Variants in NRG3 observed in about 807,000 individuals in gnomAD.
NRG3 encodes pro-neuregulin-3, membrane-bound isoform.
A neutral mutation model predicts 66.9 loss-of-function variants in NRG3; 31 were observed. The observed-to-expected ratio is 0.46, with a 90% CI of 0.35 to 0.63. The LOEUF is 0.63. Among genes scored for constraint, NRG3 ranks in the 20% least tolerant of loss-of-function variants. NRG3 has a pLI of 0.00. For synonymous variants in NRG3, 393 were observed against 359.4 expected, an observed-to-expected ratio of 1.09 and a Z score of -1.06; for missense variants, 910 against 878.9, an observed-to-expected ratio of 1.04 and a Z score of -0.45.
At chr10:82,093,738 A>G (rs1281685862) in intron 1 of NRG3, among the ~76,000 whole-genome samples, 1 of 152,174 alleles carries the variant, frequency 6.6e-6, no homozygotes, top group African/African-American at 2.4e-5. Flanking sequence ...TTATATTTCA[A>G]TAGAACATTT....
intron 1 of NRG3, among the ~76,000 whole-genome samples, chr10:82,328,692 A>G (rs927232818): frequency 6.6e-6 from 1 of 152,142 alleles, no homozygotes; most frequent in African/African-American, 2.4e-5. Context: ...GGCCATTTCC[A>G]GTCATCTCTT....
chr10:82,248,875 C>T (rs779587796), intron 1 of NRG3, among the ~76,000 whole-genome samples: 1 of 152,086 alleles, frequency 6.6e-6, no homozygotes, highest in Non-Finnish European at 1.5e-5. Context: ...CCTCAATAGT[C>T]CTGGTTTGTG....
At chr10:82,000,092 A>G (rs2061103034) in intron 1 of NRG3, among the ~76,000 whole-genome samples, 1 of 152,238 alleles carries the variant, frequency 6.6e-6, no homozygotes, top group African/African-American at 2.4e-5. Context: ...GATATATTTT[A>G]GTTCCTAATG....
Position 82,559,519 on chromosome 10 carries a change from G to C in NRG3, c.954-179058G>C, listed in dbSNP as rs545249899. ...TCCAGTCATCAGGTGCTAGTAGCCT[G>C]TATGAAGAGTGGTCTTAGTATGAAC... On this transcript the variant is annotated intron_variant, in intron 2 of 8. Coordinates refer to ENST00000372141, the MANE Select transcript of NRG3 (RefSeq NM_001010848.4). Among the ~76,000 whole-genome samples the C allele has an allele frequency of 9.8e-5, 15 of 152,310 alleles. No homozygotes were observed. In the South Asian group the frequency reaches 1.0e-3, roughly 11 times the overall value.
At chr10:82,308,373 G>A (rs2080857575) in intron 1 of NRG3, among the ~76,000 whole-genome samples, 1 of 152,104 alleles carries the variant, frequency 6.6e-6, no homozygotes, top group African/African-American at 2.4e-5. Context: ...ACAGGCATGA[G>A]CCACCATGCC....
rs531124160 is a variant in NRG3 at position 81,886,082 on chromosome 10, G to C, written c.823+9919G>C. ...CGCGGGGCTTAATACATAGGTGATGGGTTGATAGGTGCAGCAAACCACCAT... is the reference window on the plus strand; with the variant it reads ...CGCGGGGCTTAATACATAGGTGATGCGTTGATAGGTGCAGCAAACCACCAT... On this transcript the variant is annotated intron_variant, in intron 1 of 8. Coordinates refer to ENST00000372141, the MANE Select transcript of NRG3 (RefSeq NM_001010848.4). 3.9e-4 allele frequency among the ~76,000 whole-genome samples: 60 copies of C among 152,156 alleles called. 1 individual carries two copies. Among genetic ancestry groups the C allele is most frequent in the African/African-American group, 1.4e-3 (59 of 41,516 alleles).
At chr10:82,358,387 T>C (rs2083911414) in intron 1 of NRG3, among the ~76,000 whole-genome samples, 1 of 152,196 alleles carries the variant, frequency 6.6e-6, no homozygotes. Context: ...GGGAAGGGAA[T>C]GTTGTTTCAA....
intron 1 of NRG3, among the ~76,000 whole-genome samples, chr10:82,353,599 A>C (rs2083572159): frequency 6.6e-6 from 1 of 152,220 alleles, no homozygotes; most frequent in East Asian, 1.9e-4. Flanking sequence ...GTATAAAAAA[A>C]ATAAGAAAAC....
chr10:82,688,552 A>C (rs1305172041), intron 2 of NRG3, among the ~76,000 whole-genome samples: 1 of 152,170 alleles, frequency 6.6e-6, no homozygotes, highest in Non-Finnish European at 1.5e-5. Flanking sequence ...TATTTCTAAA[A>C]AATTGCTTCT....
intron 1 of NRG3, among the ~76,000 whole-genome samples, chr10:82,158,833 T>C (rs2132909719): frequency 6.6e-6 from 1 of 152,050 alleles, no homozygotes; most frequent in South Asian, 2.1e-4. Context: ...GAGCCTTTTT[T>C]CCTTCTTAAA....
intron 2 of NRG3, among the ~76,000 whole-genome samples, chr10:82,722,011 C>T (rs2057349188): frequency 6.6e-6 from 1 of 151,468 alleles, no homozygotes; most frequent in South Asian, 2.1e-4. Flanking sequence ...ATTGTGCTGA[C>T]TGCTTTCCAA....
At chr10:82,963,339 G>C (rs1448672470) in intron 6 of NRG3, among the ~76,000 whole-genome samples, 1 of 152,210 alleles carries the variant, frequency 6.6e-6, no homozygotes, top group Non-Finnish European at 1.5e-5. Context: ...GCAGTTACAA[G>C]TGGGTTTTTA....
chr10:82,353,296 A>G (rs546632164), intron 1 of NRG3, among the ~76,000 whole-genome samples: 1 of 152,328 alleles, frequency 6.6e-6, no homozygotes, highest in Non-Finnish European at 1.5e-5. Flanking sequence ...AGTAATATTC[A>G]GGTTCAACTC....
chr10:82,931,869 C>T (rs994129938), intron 4 of NRG3, among the ~76,000 whole-genome samples: 1 of 152,176 alleles, frequency 6.6e-6, no homozygotes, highest in Non-Finnish European at 1.5e-5. Flanking sequence ...TTATGGCAAT[C>T]TGGAGTTACA....
intron 1 of NRG3, among the ~76,000 whole-genome samples, chr10:82,083,829 C>T (rs963829294): frequency 1.4e-4 from 21 of 151,118 alleles, no homozygotes; most frequent in African/African-American, 4.9e-4. Flanking sequence ...GTTGGTCAGG[C>T]TGGTCTCAAA....
At chr10:82,522,631 CA>C (rs1179398668) in intron 2 of NRG3, among the ~76,000 whole-genome samples, 2 of 150,572 alleles carry the variant, frequency 1.3e-5, no homozygotes, top group East Asian at 3.9e-4. Context: ...TTGGTTGCCA[CA>C]AACCGTCAAT....
intron 1 of NRG3, among the ~76,000 whole-genome samples, chr10:82,218,431 A>C (rs537630669): frequency 1.3e-5 from 2 of 152,274 alleles, no homozygotes; most frequent in East Asian, 3.9e-4. Flanking sequence ...ATTGGCAGGG[A>C]CTGTTGGGAT....
At chr10:82,069,536 C>T (rs953516361) in intron 1 of NRG3, among the ~76,000 whole-genome samples, 1 of 152,016 alleles carries the variant, frequency 6.6e-6, no homozygotes, top group Non-Finnish European at 1.5e-5. Context: ...TACTAATACC[C>T]AAAGTCATAC....
chr10:82,512,718 T>G (rs997114278), intron 2 of NRG3, among the ~76,000 whole-genome samples: 5 of 152,232 alleles, frequency 3.3e-5, no homozygotes, highest in Non-Finnish European at 7.3e-5. Flanking sequence ...GTAGATTTTT[T>G]TCCTTGCTTC....
Sources: gnomAD v4.1 joint callset for allele counts (sites outside exome capture counted in the v4.1 genomes callset) on GRCh38, gnomAD v4.1.1 for gene constraint, MANE v1.5 for transcripts, NCBI Gene and HGNC (gene_info 2026-07-23, HGNC 2026-07-21) for gene names.